BCLAF1: variants seen among roughly 807,000 people sequenced by gnomAD.
BCLAF1 encodes BCL2 associated transcription factor 1.
A neutral mutation model predicts 99.5 loss-of-function variants in BCLAF1; 10 were observed. The ratio of observed to expected loss-of-function variants is 0.10; its 90% CI spans 0.06 to 0.17. The LOEUF is 0.17. Among genes scored for constraint, BCLAF1 ranks in the 10% least tolerant of loss-of-function variants. The probability of loss-of-function intolerance (pLI) is 1.00; values close to 1 mark genes in which losing one functional copy is unlikely to be tolerated. For missense variants in BCLAF1, 636 were observed against 1,105.8 expected, an observed-to-expected ratio of 0.58 and a Z score of 6.02; for synonymous variants, 255 against 370.9, an observed-to-expected ratio of 0.69 and a Z score of 3.59.
chr6:136,266,389 G>C (rs1781720554), intron 11 of BCLAF1, among the ~76,000 whole-genome samples: 1 of 152,066 alleles, frequency 6.6e-6, no homozygotes. Flanking sequence ...TATAATGCAG[G>C]AGAGACCCTT....
chr6:136,263,601 A>G (rs954749717), intron 11 of BCLAF1, among the ~76,000 whole-genome samples: 1 of 152,204 alleles, frequency 6.6e-6, no homozygotes, highest in African/African-American at 2.4e-5. Flanking sequence ...ATGTTAACAA[A>G]GGAGTCTGTA....
intron 9 of BCLAF1, 79 bp downstream of exon 9, chr6:136,269,358 A>G: frequency 6.3e-7 from 1 of 1,578,846 alleles, no homozygotes; most frequent in Non-Finnish European, 8.6e-7. Context: ...TACACAGTCA[A>G]AATTGAAAGC....
intron 1 of BCLAF1, among the ~76,000 whole-genome samples, chr6:136,288,013 C>A (rs1356664908): frequency 6.6e-6 from 1 of 152,168 alleles, no homozygotes. Context: ...GAGCGACATT[C>A]CGTCTCAAGA....
rs1047100629 is a variant in BCLAF1 at position 136,258,293 on chromosome 6, C to T, written c.*2817G>A. 6.6e-6 allele frequency: 1 copy of T among 152,026 alleles called. No individual in the cohort carries two copies. Among genetic ancestry groups the T allele is most frequent in the African/African-American group, 2.4e-5 (1 of 41,424 alleles). 9.4% of individuals were successfully genotyped at this position (152,026 alleles called of 1,614,324 possible). Reference sequence around the variant, plus strand: ...TTAACGTAAGAAAACGAGGACTAAACTGGACATCCAGAATTCCTTTATTTC... The same window carrying T: ...TTAACGTAAGAAAACGAGGACTAAATTGGACATCCAGAATTCCTTTATTTC... On this transcript the variant is annotated 3_prime_UTR_variant, in exon 13 of 13. Transcript: ENST00000531224.
Position 136,258,757 on chromosome 6 carries a change from A to G in BCLAF1, c.*2353T>C, listed in dbSNP as rs1208718691. 1 of 152,532 alleles carries G rather than the reference A, an allele frequency of 6.6e-6. No individual in the cohort carries two copies. The allele number at this position is 152,532 out of a possible 1,614,324, so 9.4% of individuals were successfully genotyped here. On this transcript the variant is annotated 3_prime_UTR_variant, in exon 13 of 13. Transcript: ENST00000531224. ...GATTTTACCTGTGACAAAAGGAACAATAGTAATTCCTTGAAGAAGACTAAC... is the reference window on the plus strand; with the variant it reads ...GATTTTACCTGTGACAAAAGGAACAGTAGTAATTCCTTGAAGAAGACTAAC...
intron 8 of BCLAF1, among the ~76,000 whole-genome samples, chr6:136,270,993 CAAA>C: frequency 6.6e-6 from 1 of 150,566 alleles, no homozygotes; most frequent in African/African-American, 2.4e-5. Flanking sequence ...AATAACAGAA[CAAA>C]AAAAAACCTT....
intron 11 of BCLAF1, among the ~76,000 whole-genome samples, chr6:136,266,358 C>T (rs1351113790): frequency 6.6e-6 from 1 of 152,040 alleles, no homozygotes; most frequent in African/African-American, 2.4e-5. Context: ...GTAATAGTTT[C>T]GGTATATTCT....
Position 136,261,264 on chromosome 6 carries a change from C to A in BCLAF1, c.2757+1G>T, listed in dbSNP as rs747583650. ...CAGAATCACAAGTTGAAATTTTATACCTTTTCTTCCTTGCGTCTGTCCTTC... is the reference window on the plus strand; with the variant it reads ...CAGAATCACAAGTTGAAATTTTATAACTTTTCTTCCTTGCGTCTGTCCTTC... On this transcript the variant is annotated splice_donor_variant, in intron 12 of 12. Transcript: ENST00000531224. LOFTEE classifies it high-confidence loss of function. 1 of 1,611,390 alleles carries A rather than the reference C, an allele frequency of 6.2e-7. No individual in the cohort carries two copies.
rs1780798838 is a variant in BCLAF1 at position 136,260,252 on chromosome 6, T to A, written c.*858A>T. ...GACCTCCTACATACCAACCCCAGGA[T>A]TACAGTTTTTCTTCTGTTTAAAACT... On this transcript the variant is annotated 3_prime_UTR_variant, in exon 13 of 13. Coordinates refer to ENST00000531224, the MANE Select transcript of BCLAF1 (RefSeq NM_014739.3). 6.6e-6 allele frequency: 1 copy of A among 152,022 alleles called. No individual in the cohort carries two copies. The highest frequency in any genetic ancestry group is 2.4e-5 in the African/African-American group (1 of 41,436). 9.4% of individuals were successfully genotyped at this position (152,022 alleles called of 1,614,324 possible). A position where few individuals can be genotyped will look rare whatever the true frequency, so the allele number is the denominator to read the frequency against.
Position 136,261,330 on chromosome 6 carries a change from C to T in BCLAF1, c.2692G>A (p.Val898Ile), listed in dbSNP as rs1221546302. 4 of 1,613,922 alleles carry T rather than the reference C, an allele frequency of 2.5e-6. No homozygotes were observed. Among genetic ancestry groups the T allele is most frequent in the Non-Finnish European group, 2.5e-6 (3 of 1,179,864 alleles). ...THDKYQGDGI[V>I]EDEEETMENN... is the part of the protein sequence containing the mutation. ...TCCATGGTCTCTTCTTCATCTTCAACAATCCCATCCCCTTGGTATTTGTCA... is the reference window on the plus strand; with the variant it reads ...TCCATGGTCTCTTCTTCATCTTCAATAATCCCATCCCCTTGGTATTTGTCA... Residue 898 changes from valine to isoleucine, a missense_variant, in exon 12 of 13, where the codon GTT becomes ATT. This residue lies in a region of BCLAF1 where 57 missense variants were observed against 116.7 expected (regional missense o/e 0.49). Transcript: ENST00000531224.
Position 136,267,114 on chromosome 6 carries a change from T to A in BCLAF1, c.2459A>T (p.Asn820Ile). 1 of 1,613,278 alleles carries A rather than the reference T, an allele frequency of 6.2e-7. No individual in the cohort carries two copies. The highest frequency in any genetic ancestry group is 8.5e-7 in the Non-Finnish European group (1 of 1,179,414). The change falls in exon 11 of 13, where the codon AAC (asparagine) becomes ATC (isoleucine). Residue 820 changes from asparagine (N) to isoleucine (I), a missense_variant. By Grantham distance (149) the Asn-to-Ile change is moderately radical (BLOSUM62 -3). Around this residue, in one of 9 missense-constraint regions of BCLAF1, gnomAD observed 30 missense variants for 22.9 expected, o/e 1.31. Coordinates refer to ENST00000531224, the MANE Select transcript of BCLAF1 (RefSeq NM_014739.3). ...CTTTTGAAAAGTAGTATTTGAGTTG[T>A]TTGGACCAGTATTTGTCCCAGCAAA... ...GVFAGTNTGP[N>I]NSNTTFQKRP...
chr6:136,258,078 G>GT lies in BCLAF1; in HGVS notation c.*3031dup, dbSNP rs1490236095. ...ATTTGCCATTTGTATGAGTCAAAAT[G>GT]TGTCAGTTTGTCTTAGTACACAAAT... is the stretch of plus-strand genomic sequence containing the variant. On this transcript the variant is annotated 3_prime_UTR_variant, in exon 13 of 13. Coordinates refer to ENST00000531224, the MANE Select transcript of BCLAF1 (RefSeq NM_014739.3). The GT allele has an allele frequency of 6.6e-6, 1 of 152,076 alleles. No homozygotes were observed. The allele number at this position is 152,076 out of a possible 1,614,324, so 9.4% of individuals were successfully genotyped here. A position where few individuals can be genotyped will look rare whatever the true frequency, so the allele number is the denominator to read the frequency against.
At chr6:136,264,120 C>G (rs6905602) in intron 11 of BCLAF1, among the ~76,000 whole-genome samples, 5,249 of 152,178 alleles carry the variant, frequency 0.034, 201 homozygotes, top group African/African-American at 0.091. Flanking sequence ...AACTCAAAAG[C>G]CTTTTTTAAG....
chr6:136,266,460 C>G (rs1314670705), intron 11 of BCLAF1, among the ~76,000 whole-genome samples: 1 of 151,966 alleles, frequency 6.6e-6, no homozygotes, highest in Non-Finnish European at 1.5e-5. Context: ...CAGGACCTAC[C>G]ACCTCTAGCT....
Position 136,261,092 on chromosome 6 carries a change from A to C in BCLAF1, c.*18T>G. 6.4e-7 allele frequency: 1 copy of C among 1,572,232 alleles called. No individual in the cohort carries two copies. Among genetic ancestry groups the C allele is most frequent in the Middle Eastern group, 1.7e-4 (1 of 5,802 alleles). ...GTGGGTGCAAGTTCTGCTCTGTTGT[A>C]ATCTTACTTCATATTTATTATTCCT... On this transcript the variant is annotated 3_prime_UTR_variant, in exon 13 of 13. Transcript: ENST00000531224.
At chr6:136,282,921 T>A (rs952713539) in intron 1 of BCLAF1, among the ~76,000 whole-genome samples, 1 of 152,098 alleles carries the variant, frequency 6.6e-6, no homozygotes, top group African/African-American at 2.4e-5. Context: ...TTTTAACTAC[T>A]TGAATTCTAA....
chr6:136,264,850 A>G (rs1269397019), intron 11 of BCLAF1, among the ~76,000 whole-genome samples: 2 of 152,212 alleles, frequency 1.3e-5, no homozygotes, highest in African/African-American at 4.8e-5. Context: ...TATAGAGACC[A>G]AGATTTTTAA....
rs746756994 is a variant in BCLAF1, at chr6:136,258,584, A to T, written c.*2526T>A. The T allele has an allele frequency of 6.6e-6, 1 of 152,536 alleles. No individual in the cohort carries two copies. Among genetic ancestry groups the T allele is most frequent in the Non-Finnish European group, 1.5e-5 (1 of 67,924 alleles). The allele number at this position is 152,536 out of a possible 1,614,324, so 9.4% of individuals were successfully genotyped here. On this transcript the variant is annotated 3_prime_UTR_variant, in exon 13 of 13. Transcript: ENST00000531224. ...TAGACACAGGTAAACAAACAACAGCAGTTATTACTTGTGACATTTTATTGG... is the reference window on the plus strand; with the variant it reads ...TAGACACAGGTAAACAAACAACAGCTGTTATTACTTGTGACATTTTATTGG...
At chr6:136,287,134 T>C (rs1408875896) in intron 1 of BCLAF1, among the ~76,000 whole-genome samples, 3 of 149,392 alleles carry the variant, frequency 2.0e-5, no homozygotes, top group African/African-American at 7.4e-5. Flanking sequence ...AGCAAGACTG[T>C]GTCTCAAGAA....
Sources: gnomAD v4.1 joint callset for allele counts (sites outside exome capture counted in the v4.1 genomes callset) on GRCh38, gnomAD v4.1.1 for gene constraint, gnomAD v4.1.1 regional missense constraint, MANE v1.5 for transcripts, NCBI Gene and HGNC (gene_info 2026-07-23, HGNC 2026-07-21) for gene names.